TPST1: variants seen among roughly 807,000 people sequenced by gnomAD.
TPST1 encodes the protein tyrosylprotein sulfotransferase 1.
TPST1 carries 20 observed loss-of-function variants against 34.8 expected under a neutral mutation model. The ratio of observed to expected loss-of-function variants is 0.57; its 90% CI spans 0.40 to 0.84. The LOEUF is 0.84. TPST1 is among the 40% of genes least tolerant of loss of function. The pLI is 0.00. For missense variants in TPST1, 353 were observed against 455.5 expected, an observed-to-expected ratio of 0.78 and a Z score of 2.05; for synonymous variants, 152 against 159.4, an observed-to-expected ratio of 0.95 and a Z score of 0.35.
chr7:66,345,627 G>A (rs1211597027), intron 3 of TPST1, among the ~76,000 whole-genome samples: 1 of 151,798 alleles, frequency 6.6e-6, no homozygotes, highest in Admixed American at 6.6e-5. Context: ...CCTATGGAGA[G>A]TGGAGTGAAA....
At chr7:66,278,290 G>T (rs1401793091) in intron 2 of TPST1, among the ~76,000 whole-genome samples, 1 of 151,882 alleles carries the variant, frequency 6.6e-6, no homozygotes, top group African/African-American at 2.4e-5. Context: ...AATAACTCTG[G>T]TTTTGTCCTG....
chr7:66,224,901 C>CTTTTTTTTTTTTTTTTTTTT (rs780952403), intron 1 of TPST1, among the ~76,000 whole-genome samples: 2 of 42,412 alleles, frequency 4.7e-5, no homozygotes, highest in East Asian at 1.6e-3. Flanking sequence ...TTCTGGTATT[C>CTTTTTTTTTTTTTTTTTTTT]TTTTTTTTTT....
At chr7:66,335,883 C>A (rs1009632578) in intron 3 of TPST1, among the ~76,000 whole-genome samples, 1 of 152,134 alleles carries the variant, frequency 6.6e-6, no homozygotes, top group African/African-American at 2.4e-5. Context: ...TCAACATAAA[C>A]AAGCAATGAT....
intron 2 of TPST1, among the ~76,000 whole-genome samples, chr7:66,261,270 C>CT (rs1285714339): frequency 7.8e-6 from 1 of 127,732 alleles, no homozygotes; most frequent in Non-Finnish European, 1.6e-5. Flanking sequence ...GGTTGGATTA[C>CT]TTTGAAGCCT....
intron 3 of TPST1, among the ~76,000 whole-genome samples, chr7:66,318,901 T>G (rs1290555523): frequency 2.0e-5 from 3 of 152,236 alleles, no homozygotes; most frequent in East Asian, 3.8e-4. Context: ...ATCAGCACTT[T>G]GAAGATATTT....
intron 1 of TPST1, among the ~76,000 whole-genome samples, chr7:66,212,899 T>C (rs2116229283): frequency 6.6e-6 from 1 of 152,336 alleles, no homozygotes; most frequent in Admixed American, 6.5e-5. Context: ...ATTTGAGAAA[T>C]GTTGAGAAAC....
chr7:66,208,406 C>G (rs1225859131), intron 1 of TPST1, among the ~76,000 whole-genome samples: 1 of 152,124 alleles, frequency 6.6e-6, no homozygotes, highest in Non-Finnish European at 1.5e-5. Flanking sequence ...GGTTAGGTGA[C>G]TTTTCTTTGT....
At chr7:66,313,788 C>G (rs1791579496) in intron 3 of TPST1, among the ~76,000 whole-genome samples, 1 of 152,008 alleles carries the variant, frequency 6.6e-6, no homozygotes, top group Non-Finnish European at 1.5e-5. Flanking sequence ...TTTGTCTTCT[C>G]TCTCTTTCTC....
intron 2 of TPST1, among the ~76,000 whole-genome samples, chr7:66,247,986 G>A (rs1439058158): frequency 6.6e-6 from 1 of 151,876 alleles, no homozygotes; most frequent in Non-Finnish European, 1.5e-5. Flanking sequence ...GTTTCCCATA[G>A]GTGAATATAT....
At position 66,305,260 on chromosome 7, in the gene TPST1, T is replaced by A. The variant is rs142228414; in HGVS notation, c.1044+18551T>A. Among the ~76,000 whole-genome samples, 268 of 152,346 alleles carry A rather than the reference T, an allele frequency of 1.8e-3. 1 individual carries two copies. Among genetic ancestry groups the A allele is most frequent in the Non-Finnish European group, 2.3e-3 (155 of 68,028 alleles). On this transcript the variant is annotated intron_variant, in intron 3 of 5. Transcript: ENST00000304842. Reference sequence around the variant, plus strand: ...TATTGTAGTTCTCATTTTCTGTACCTTTCATGTGATCATGGCAGGTATCTG... The same window carrying A: ...TATTGTAGTTCTCATTTTCTGTACCATTCATGTGATCATGGCAGGTATCTG...
intron 1 of TPST1, among the ~76,000 whole-genome samples, chr7:66,219,959 T>C (rs1789506226): frequency 6.6e-6 from 1 of 152,152 alleles, no homozygotes; most frequent in African/African-American, 2.4e-5. Flanking sequence ...TTTTGATTCA[T>C]TCATCAACAA....
chr7:66,214,865 T>A (rs575857855), intron 1 of TPST1, among the ~76,000 whole-genome samples: 25 of 147,812 alleles, frequency 1.7e-4, no homozygotes, highest in Admixed American at 8.8e-4. Flanking sequence ...AATATGTTTT[T>A]AAATATGTAT....
intron 4 of TPST1, among the ~76,000 whole-genome samples, chr7:66,353,320 A>C (rs972255950): frequency 1.3e-5 from 2 of 151,866 alleles, no homozygotes; most frequent in African/African-American, 4.8e-5. Flanking sequence ...AAAAGAAAAA[A>C]TTAGCTAGGC....
chr7:66,275,214 T>A (rs926559477), intron 2 of TPST1, among the ~76,000 whole-genome samples: 1 of 151,184 alleles, frequency 6.6e-6, no homozygotes, highest in African/African-American at 2.4e-5. Flanking sequence ...TAAAAAAAAA[T>A]AAAAAAAGAT....
chr7:66,349,071 A>G (rs1400828339), intron 3 of TPST1, among the ~76,000 whole-genome samples: 1 of 152,282 alleles, frequency 6.6e-6, no homozygotes, highest in South Asian at 2.1e-4. Flanking sequence ...AGGAAGAAAG[A>G]TTTCACCATA....
chr7:66,318,435 G>A (rs895742218), intron 3 of TPST1, among the ~76,000 whole-genome samples: 3 of 150,750 alleles, frequency 2.0e-5, no homozygotes, highest in Non-Finnish European at 4.4e-5. Flanking sequence ...TTCTCAGATT[G>A]GTTTCCTTTT....
At chr7:66,261,929 C>T (rs1319565333) in intron 2 of TPST1, among the ~76,000 whole-genome samples, 2 of 152,196 alleles carry the variant, frequency 1.3e-5, no homozygotes, top group African/African-American at 2.4e-5. Context: ...ACAACTACCA[C>T]CACCACTGCA....
At chr7:66,307,965 A>C (rs1436376304) in intron 3 of TPST1, among the ~76,000 whole-genome samples, 3 of 152,202 alleles carry the variant, frequency 2.0e-5, no homozygotes, top group African/African-American at 7.2e-5. Context: ...TTATTGACAT[A>C]GCTCTTTTCT....
intron 1 of TPST1, among the ~76,000 whole-genome samples, chr7:66,227,217 G>C (rs13221573): frequency 6.6e-6 from 1 of 151,412 alleles, no homozygotes; most frequent in Non-Finnish European, 1.5e-5. Flanking sequence ...ATTTTTAGTA[G>C]AGACGGGGTT....
Sources: allele counts gnomAD v4.1 joint callset (sites outside exome capture counted in the v4.1 genomes callset), GRCh38; gene constraint gnomAD v4.1.1; transcripts MANE v1.5; gene names NCBI Gene and HGNC (gene_info 2026-07-23, HGNC 2026-07-21).